KNDC1: variants seen among roughly 807,000 people sequenced by gnomAD.
KNDC1 encodes kinase non-catalytic C-lobe domain-containing protein 1.
Under a neutral mutation model 172.8 loss-of-function variants are expected in KNDC1, and 106 were observed. That is an observed-to-expected ratio of 0.61 (90% CI 0.52 to 0.72). KNDC1 has a LOEUF of 0.72. KNDC1 is among the 30% of genes least tolerant of loss of function. The pLI, the probability that KNDC1 is intolerant of heterozygous loss-of-function variation, is 0.00. For missense variants in KNDC1, 2,325 were observed against 2,394.5 expected (o/e 0.97, Z 0.61); for synonymous variants, 1,083 against 1,062.2 (o/e 1.02, Z -0.38).
rs202204298 is a variant in KNDC1, at chr10:133,212,774, G to A, written c.4295G>A (p.Arg1432His). Residue 1432 changes from arginine to histidine, a missense_variant, in exon 24 of 30, where the codon CGC (arginine) becomes CAC (histidine). Coordinates refer to ENST00000304613, the MANE Select transcript of KNDC1 (RefSeq NM_152643.8). ...NGLVLPPHKE[R>H]PYTIAAALPK... ...CTGGTGCTGCCGCCACACAAGGAGC[G>A]CCCCTACACCATTGCTGCCGCCCTG... 230 of 1,613,750 alleles carry A rather than the reference G, an allele frequency of 1.4e-4. No individual in the cohort carries two copies. Among genetic ancestry groups the A allele is most frequent in the Non-Finnish European group, 1.7e-4 (198 of 1,179,928 alleles).
chr10:133,161,793 T>C (rs957762683), intron 1 of KNDC1, among the ~76,000 whole-genome samples: 8 of 152,072 alleles, frequency 5.3e-5, no homozygotes, highest in Non-Finnish European at 7.4e-5. Flanking sequence ...TCCCAGGGTA[T>C]CTGTTAGGAG....
intron 10 of KNDC1, among the ~76,000 whole-genome samples, chr10:133,196,615 G>A (rs932021963): frequency 2.0e-5 from 3 of 152,210 alleles, no homozygotes; most frequent in African/African-American, 2.4e-5. Context: ...ATCTAGACAC[G>A]GCTGGGCGTC....
chr10:133,186,961 C>T (rs768158236), intron 6 of KNDC1, among the ~76,000 whole-genome samples: 8 of 152,186 alleles, frequency 5.3e-5, no homozygotes, highest in Non-Finnish European at 1.0e-4. Flanking sequence ...CAGCCCCGCA[C>T]GGCCGTCCCG....
intron 3 of KNDC1, among the ~76,000 whole-genome samples, chr10:133,170,555 G>A (rs774553524): frequency 6.6e-6 from 1 of 152,178 alleles, no homozygotes; most frequent in African/African-American, 2.4e-5. Context: ...CCCTAAGAGC[G>A]TTTGCTTATG....
chr10:133,219,179 G>A (rs1845530218), intron 28 of KNDC1, 89 bp downstream of exon 28: 7 of 1,470,744 alleles, frequency 4.8e-6, no homozygotes, highest in African/African-American at 1.4e-5. Context: ...GCACCCAGAC[G>A]CAGGCACCAC....
In KNDC1 at chr10:133,163,903, T is replaced by C. The variant is rs1287157762; in HGVS notation, c.102+3334T>C. ...GCCTTCCCAAATCCCTCCTCCCACC[T>C]GGGATGGGGGTGGAGTTCGTGGCCA... On this transcript the variant is annotated intron_variant, in intron 1 of 29. Transcript: ENST00000304613. This position sits in a 1 kb window ranked among gnomAD's most constrained non-coding sequence, Gnocchi z 4.4. 2.7e-5 allele frequency among the ~76,000 whole-genome samples: 4 copies of C among 145,596 alleles called. No homozygotes were observed. The highest frequency in any genetic ancestry group is 6.1e-5 in the Non-Finnish European group (4 of 65,142).
intron 20 of KNDC1, 71 bp from the exon 21 acceptor site, chr10:133,210,540 C>T (rs527781031): frequency 2.5e-5 from 22 of 885,394 alleles, no homozygotes; most frequent in South Asian, 1.7e-4. Flanking sequence ...TCACACCCCA[C>T]CACCGAACAC....
chr10:133,187,069 C>T (rs964672547), intron 6 of KNDC1, among the ~76,000 whole-genome samples: 5 of 152,238 alleles, frequency 3.3e-5, no homozygotes, highest in African/African-American at 1.2e-4. Flanking sequence ...TCACAGCCCT[C>T]CTCATCTTCC....
chr10:133,184,141 A>C, intron 5 of KNDC1, 152 bp downstream of exon 5: 1 of 482,334 alleles, frequency 2.1e-6, no homozygotes, highest in Non-Finnish European at 3.7e-6. Flanking sequence ...CACATGCCAC[A>C]CACACCCATG....
At chr10:133,170,724 G>A (rs1853350699) in intron 3 of KNDC1, among the ~76,000 whole-genome samples, 1 of 152,168 alleles carries the variant, frequency 6.6e-6, no homozygotes. Flanking sequence ...GAGAAGAGTG[G>A]CATTGGGTTG....
At chr10:133,207,076 A>G in intron 19 of KNDC1, 61 bp from the exon 20 acceptor site, 2 of 1,540,118 alleles carry the variant, frequency 1.3e-6, no homozygotes, top group South Asian at 2.3e-5. Flanking sequence ...TGAGGGTCCA[A>G]TGCCAGGAAG....
intron 23 of KNDC1, among the ~76,000 whole-genome samples, chr10:133,212,281 CCA>C (rs575649097): frequency 1.8e-4 from 28 of 151,842 alleles, no homozygotes; most frequent in Non-Finnish European, 2.7e-4. Flanking sequence ...GCACACGCAT[CCA>C]CACACACACG....
chr10:133,210,727 A>T lies in KNDC1; in HGVS notation c.3908+3A>T. On this transcript the variant is annotated splice_donor_region_variant and intron_variant, in intron 21 of 29. Transcript: ENST00000304613. ...CGCATCAACAGCACGCTGACCAGGT[A>T]CCAAGCTCCACAGCTCCACGCCCGC... 6 of 1,605,552 alleles carry T rather than the reference A, an allele frequency of 3.7e-6. No individual in the cohort carries two copies. The highest frequency in any genetic ancestry group is 5.1e-6 in the Non-Finnish European group (6 of 1,172,218).
intron 16 of KNDC1, 86 bp downstream of exon 16, chr10:133,200,546 C>T: frequency 8.4e-6 from 9 of 1,068,638 alleles, no homozygotes; most frequent in Non-Finnish European, 1.1e-5. Flanking sequence ...CCCAGGGTCC[C>T]AGCAGCCTCA....
intron 12 of KNDC1, among the ~76,000 whole-genome samples, chr10:133,198,067 C>T (rs1047176924): frequency 6.6e-6 from 1 of 152,154 alleles, no homozygotes; most frequent in South Asian, 2.1e-4. Context: ...ACCCCACCCC[C>T]GTACTGAGCC....
At chr10:133,184,138 C>T (rs890985332) in intron 5 of KNDC1, 149 bp downstream of exon 5, 35 of 484,782 alleles carry the variant, frequency 7.2e-5, no homozygotes, top group East Asian at 2.5e-4. Context: ...ACACACATGC[C>T]ACACACACCC....
chr10:133,198,676 C>T lies in KNDC1; in HGVS notation c.2168C>T (p.Ser723Phe). Residue 723 changes from serine (S) to phenylalanine (F), a missense_variant, in exon 14 of 30, where the codon TCC (serine) becomes TTC (phenylalanine). Physicochemically the swap from Ser to Phe is radical, Grantham distance 155 (BLOSUM62 -2). Coordinates refer to ENST00000304613, the MANE Select transcript of KNDC1 (RefSeq NM_152643.8). ...EKLSLEAHAG[S>F]PSLKTPDGPV... ...CTCTCCCTGGAGGCCCACGCTGGGTCCCCCAGCCTGAAGACGCCTGACGGG... is the reference window on the plus strand; with the variant it reads ...CTCTCCCTGGAGGCCCACGCTGGGTTCCCCAGCCTGAAGACGCCTGACGGG... 1.9e-6 allele frequency: 3 copies of T among 1,591,204 alleles called. No homozygotes were observed. Among genetic ancestry groups the T allele is most frequent in the Non-Finnish European group, 2.6e-6 (3 of 1,169,884 alleles).
In KNDC1 at chr10:133,198,936, G is replaced by A. The variant is rs758962112; in HGVS notation, c.2428G>A (p.Gly810Ser). Residue 810 changes from glycine (G) to serine (S), a missense_variant, in exon 14 of 30, where the codon GGC becomes AGC. Gly to Ser is a moderately conservative substitution (Grantham distance 56). Coordinates refer to ENST00000304613, the MANE Select transcript of KNDC1 (RefSeq NM_152643.8). ...GATCCCACCTGGAGTTGCTTCCGGGGGCCTCAGGCCCGACGCCCTGGGGCC... is the reference window on the plus strand; with the variant it reads ...GATCCCACCTGGAGTTGCTTCCGGGAGCCTCAGGCCCGACGCCCTGGGGCC... Reference protein sequence around the residue: ...EPIPPGVASGGLRPDALGPTT... With the variant: ...EPIPPGVASGSLRPDALGPTT... 1.3e-6 allele frequency: 2 copies of A among 1,557,708 alleles called. No individual in the cohort carries two copies. The highest frequency in any genetic ancestry group is 1.4e-5 in the African/African-American group (1 of 73,696).
At chr10:133,204,082 G>A (rs1020393065) in intron 17 of KNDC1, among the ~76,000 whole-genome samples, 3 of 152,146 alleles carry the variant, frequency 2.0e-5, no homozygotes, top group South Asian at 4.2e-4. Context: ...GGAGCCTGGC[G>A]CCGGTGACCT....
Sources: allele counts gnomAD v4.1 joint callset (sites outside exome capture counted in the v4.1 genomes callset), GRCh38; gene constraint gnomAD v4.1.1; non-coding constraint Gnocchi (gnomAD v3.1); transcripts MANE v1.5; gene names NCBI Gene and HGNC (gene_info 2026-07-23, HGNC 2026-07-21).